Variants in POT1 observed in about 807,000 individuals in gnomAD.
The protein encoded by POT1 is protection of telomeres protein 1.
A neutral mutation model predicts 78.5 loss-of-function variants in POT1; 47 were observed. That is an observed-to-expected ratio of 0.60 (90% confidence interval 0.47 to 0.76). The LOEUF (loss-of-function observed/expected upper bound fraction) is 0.76, where lower values mean the gene tolerates loss of function less well. Ranked by LOEUF, POT1 falls within the 30% of genes least tolerant of loss-of-function variation. The pLI, the probability that POT1 is intolerant of heterozygous loss-of-function variation, is 0.00. For synonymous variants in POT1, 259 were observed against 260.7 expected (o/e 0.99, Z 0.06); for missense variants, 646 against 749.9 (o/e 0.86, Z 1.62).
At chr7:124,910,852 A>AC (rs1378016954) in intron 3 of POT1, among the ~76,000 whole-genome samples, 4 of 152,020 alleles carry the variant, frequency 2.6e-5, no homozygotes, top group Non-Finnish European at 5.9e-5. Flanking sequence ...ACAATCAGAC[A>AC]CACCCTAAGA....
At chr7:124,856,116 C>T (rs34618371) in intron 9 of POT1, among the ~76,000 whole-genome samples, 94,146 of 151,918 alleles carry the variant, frequency 0.62, 29,491 homozygotes, top group African/African-American at 0.71. Context: ...GTCCTCTTTA[C>T]TAAAATAAAA....
At chr7:124,911,865 A>G (rs1796896442) in intron 3 of POT1, among the ~76,000 whole-genome samples, 1 of 152,154 alleles carries the variant, frequency 6.6e-6, no homozygotes, top group Non-Finnish European at 1.5e-5. Context: ...CCATTTCTCA[A>G]GGGCATTGAA....
intron 7 of POT1, among the ~76,000 whole-genome samples, chr7:124,870,057 T>C (rs1294660540): frequency 6.6e-6 from 1 of 151,934 alleles, no homozygotes; most frequent in Non-Finnish European, 1.5e-5. Context: ...ACTCAAGCAT[T>C]AGAAGAAAAA....
chr7:124,837,253 A>C (rs1257183236), intron 14 of POT1: 1 of 225,362 alleles, frequency 4.4e-6, no homozygotes, highest in Non-Finnish European at 9.0e-6. Flanking sequence ...CTAAACTAGT[A>C]CAGTGCCTGA....
intron 15 of POT1, 133 bp from the exon 16 acceptor site, chr7:124,829,475 T>C (rs894745439): frequency 5.1e-5 from 30 of 594,036 alleles, no homozygotes; most frequent in Non-Finnish European, 8.5e-5. Context: ...ATCCCCTATA[T>C]TGTAATGTGC....
chr7:124,890,231 GAA>G (rs748685033), intron 6 of POT1, among the ~76,000 whole-genome samples: 3 of 151,902 alleles, frequency 2.0e-5, no homozygotes, highest in Non-Finnish European at 4.4e-5. Context: ...GAAACAGTAA[GAA>G]AACTAGAATT....
intron 11 of POT1, among the ~76,000 whole-genome samples, chr7:124,850,877 T>G (rs1795290606): frequency 6.6e-6 from 1 of 151,100 alleles, no homozygotes; most frequent in East Asian, 1.9e-4. Context: ...AATGATTCTT[T>G]GGATCATAGC....
intron 7 of POT1, among the ~76,000 whole-genome samples, chr7:124,868,534 A>G (rs1795787107): frequency 6.6e-6 from 1 of 152,050 alleles, no homozygotes; most frequent in South Asian, 2.1e-4. Context: ...TATATTGACC[A>G]TATGTTAGAA....
chr7:124,843,931 T>C (rs763162797), intron 12 of POT1, among the ~76,000 whole-genome samples: 2 of 152,280 alleles, frequency 1.3e-5, no homozygotes, highest in East Asian at 3.9e-4. Context: ...TAATTAGATA[T>C]TTCAAGTAAT....
In POT1 at chr7:124,897,325, G is replaced by A. The variant is rs752590538; in HGVS notation, c.-39-113C>T. The stretch of plus-strand genomic sequence containing the variant: ...ACTTGTAAAATATTCAAATTCACTA[G>A]GATGACATAAAGTTATGGCTTACAA... On this transcript the variant is annotated intron_variant, in intron 4 of 18. Transcript: ENST00000357628. 131 of 386,352 alleles carry A rather than the reference G, an allele frequency of 3.4e-4. 1 individual carries two copies. Among genetic ancestry groups the A allele is most frequent in the Non-Finnish European group, 5.6e-4 (119 of 211,046 alleles). 23.9% of individuals were successfully genotyped at this position (386,352 alleles called of 1,614,324 possible). A position where few individuals can be genotyped will look rare whatever the true frequency, so the allele number is the denominator to read the frequency against.
chr7:124,843,916 T>A lies in POT1; in HGVS notation c.1007-953A>T, dbSNP rs56694015. Among the ~76,000 whole-genome samples the A allele has an allele frequency of 7.7e-4, 117 of 152,326 alleles. 2 individuals carry two copies. The East Asian group carries it at 0.019, about 25-fold the overall frequency. On this transcript the variant is annotated intron_variant, in intron 12 of 18. Transcript: ENST00000357628. The stretch of plus-strand genomic sequence containing the variant: ...AAGTTTACCAACAAGGCTCTCTGTA[T>A]CACTTAATTAGATATTTCAAGTAAT...
At chr7:124,834,001 G>A (rs1442934396) in intron 15 of POT1, among the ~76,000 whole-genome samples, 2 of 152,092 alleles carry the variant, frequency 1.3e-5, no homozygotes, top group Non-Finnish European at 2.9e-5. Context: ...ACAAAAACAA[G>A]CAATGGGGAA....
chr7:124,835,218 T>C, intron 15 of POT1, 61 bp downstream of exon 15: 2 of 1,581,680 alleles, frequency 1.3e-6, no homozygotes, highest in Non-Finnish European at 8.6e-7. Context: ...GTTCAGCACA[T>C]GACCCCAGAA....
chr7:124,914,886 T>C (rs762388804), intron 3 of POT1, among the ~76,000 whole-genome samples: 1 of 152,204 alleles, frequency 6.6e-6, no homozygotes, highest in Non-Finnish European at 1.5e-5. Flanking sequence ...CTCAATTTTC[T>C]ACAAGTATCT....
chr7:124,833,681 A>C (rs552599073), intron 15 of POT1, among the ~76,000 whole-genome samples: 1 of 152,320 alleles, frequency 6.6e-6, no homozygotes, highest in African/African-American at 2.4e-5. Context: ...TTTTCTCTGT[A>C]ACTGGAATCT....
chr7:124,908,055 A>C (rs1350796500), intron 3 of POT1, among the ~76,000 whole-genome samples: 1 of 152,054 alleles, frequency 6.6e-6, no homozygotes, highest in Non-Finnish European at 1.5e-5. Context: ...AAGTCATTAC[A>C]CTTAGTGGGC....
chr7:124,841,055 T>C lies in POT1; in HGVS notation c.1287A>G (p.Gln429=), dbSNP rs777842421. 6.2e-7 allele frequency: 1 copy of C among 1,612,762 alleles called. No individual in the cohort carries two copies. The highest frequency in any genetic ancestry group is 1.7e-5 in the Admixed American group (1 of 59,990). Residue 429 remains glutamine (Q), a synonymous_variant, in exon 14 of 19, where the codon CAA becomes CAG. Transcript: ENST00000357628. Reference sequence around the variant, plus strand: ...AATGAACTGCTACTTTTCGTCCTTTTTGATTTTTAGTGGTCCAGATTTTTG... The same window carrying C: ...AATGAACTGCTACTTTTCGTCCTTTCTGATTTTTAGTGGTCCAGATTTTTG... ...YDSKIWTTKN[Q]KGRKVAVHFV...
intron 11 of POT1, among the ~76,000 whole-genome samples, chr7:124,850,030 A>G (rs1022739961): frequency 2.6e-5 from 4 of 152,120 alleles, no homozygotes; most frequent in Non-Finnish European, 5.9e-5. Flanking sequence ...ATTATGACAC[A>G]TATTACAGTG....
At chr7:124,849,959 C>G (rs1000083991) in intron 11 of POT1, among the ~76,000 whole-genome samples, 1 of 152,032 alleles carries the variant, frequency 6.6e-6, no homozygotes, top group East Asian at 1.9e-4. Context: ...TCACACTAAA[C>G]TGTTAAATCT....
Sources: allele counts gnomAD v4.1 joint callset (sites outside exome capture counted in the v4.1 genomes callset), GRCh38; gene constraint gnomAD v4.1.1; transcripts MANE v1.5; gene names NCBI Gene and HGNC (gene_info 2026-07-23, HGNC 2026-07-21).